Variants in STAG1 observed in about 807,000 individuals in gnomAD.
STAG1 encodes STAG1 cohesin complex component, also known as cohesin subunit SA-1.
Under a neutral mutation model 170.9 loss-of-function variants are expected in STAG1, and 26 were observed. The ratio of observed to expected loss-of-function variants is 0.15; its 90% CI spans 0.11 to 0.21. STAG1 has a LOEUF of 0.21. Among genes scored for constraint, STAG1 ranks in the 10% least tolerant of loss-of-function variants. The pLI is 1.00. For synonymous variants in STAG1, 514 were observed against 497.7 expected (o/e 1.03, Z -0.44); for missense variants, 964 against 1,509.5 (o/e 0.64, Z 5.99).
At chr3:136,589,121 C>T (rs1369449786) in intron 4 of STAG1, among the ~76,000 whole-genome samples, 1 of 152,132 alleles carries the variant, frequency 6.6e-6, no homozygotes, top group Non-Finnish European at 1.5e-5. Context: ...GAACTCTTAA[C>T]CTCAGGTGAT....
chr3:136,588,370 C>A (rs562885288), intron 4 of STAG1, among the ~76,000 whole-genome samples: 3 of 152,136 alleles, frequency 2.0e-5, no homozygotes, highest in African/African-American at 7.2e-5. Flanking sequence ...GAGTTTCGCT[C>A]TTGATGCTCA....
At chr3:136,648,000 C>T (rs61790798) in intron 1 of STAG1, among the ~76,000 whole-genome samples, 6 of 152,136 alleles carry the variant, frequency 3.9e-5, no homozygotes, top group Non-Finnish European at 7.3e-5. Flanking sequence ...ACAGTATTTA[C>T]AGATGAAGAC....
chr3:136,750,410 C>T (rs1449231921), intron 1 of STAG1, among the ~76,000 whole-genome samples: 2 of 152,018 alleles, frequency 1.3e-5, no homozygotes, highest in African/African-American at 4.8e-5. Context: ...CCAGGACCCA[C>T]TCCTTCTCCC....
chr3:136,353,085 A>G (rs759388777), intron 28 of STAG1, among the ~76,000 whole-genome samples: 1 of 152,230 alleles, frequency 6.6e-6, no homozygotes, highest in Non-Finnish European at 1.5e-5. Flanking sequence ...AAAATTTACT[A>G]TAGTGGCTTG....
chr3:136,571,168 T>C (rs963235938), intron 4 of STAG1, among the ~76,000 whole-genome samples: 15 of 152,120 alleles, frequency 9.9e-5, no homozygotes, highest in Admixed American at 9.8e-4. Context: ...GCAGTCTGAG[T>C]AGAATTTTAA....
rs1935688344 is a variant in STAG1, at chr3:136,336,617, T to TA, written c.*1636_*1637insT. On this transcript the variant is annotated 3_prime_UTR_variant, in exon 34 of 34. Coordinates refer to ENST00000383202, the MANE Select transcript of STAG1 (RefSeq NM_005862.3). ...CTTCACTTCCAGTGAAGCCCACAAT[T>TA]CTGGGAGAAAGTGAGGCCCCAGCTC... is the stretch of plus-strand genomic sequence containing the variant. 1 of 152,040 alleles carries TA rather than the reference T, an allele frequency of 6.6e-6. No homozygotes were observed. The highest frequency in any genetic ancestry group is 2.4e-5 in the African/African-American group (1 of 41,424). 9.4% of individuals were successfully genotyped at this position (152,040 alleles called of 1,614,324 possible).
intron 4 of STAG1, among the ~76,000 whole-genome samples, chr3:136,579,736 C>G (rs912949102): frequency 6.6e-6 from 1 of 152,118 alleles, no homozygotes; most frequent in Non-Finnish European, 1.5e-5. Context: ...AGGGGCAACT[C>G]CTACATTCTA....
At chr3:136,401,312 C>T (rs535463098) in intron 21 of STAG1, among the ~76,000 whole-genome samples, 8 of 152,252 alleles carry the variant, frequency 5.3e-5, no homozygotes, top group South Asian at 4.1e-4. Flanking sequence ...TTCTCTTTTA[C>T]GTTGTAATCC....
At position 136,522,441 on chromosome 3, in the gene STAG1, A is replaced by G. The variant is rs555800585; in HGVS notation, c.472-1024T>C. Reference sequence around the variant, plus strand: ...AGTGTAGATTGGAGAAGTTACATAGACTAGAAAGAAAAGATGCTTCCTAAA... The same window carrying G: ...AGTGTAGATTGGAGAAGTTACATAGGCTAGAAAGAAAAGATGCTTCCTAAA... On this transcript the variant is annotated intron_variant, in intron 6 of 33. Coordinates refer to ENST00000383202, the MANE Select transcript of STAG1 (RefSeq NM_005862.3). Among the ~76,000 whole-genome samples, 3 of 151,716 alleles carry G rather than the reference A, an allele frequency of 2.0e-5. No homozygotes were observed. In the East Asian group the frequency reaches 5.8e-4, roughly 30 times the overall value.
In STAG1 at chr3:136,748,055, G is replaced by A. The variant is rs369220612; in HGVS notation, c.-84+4140C>T. Among the ~76,000 whole-genome samples, 51 of 150,922 alleles carry A rather than the reference G, an allele frequency of 3.4e-4. No homozygotes were observed. The East Asian group carries it at 0.01, about 30-fold the overall frequency. On this transcript the variant is annotated intron_variant, in intron 1 of 33. Transcript: ENST00000383202. The stretch of plus-strand genomic sequence containing the variant: ...CTCCCAAAGTGCTGGGATTACAGGC[G>A]TGAGCCACCGCGCCTGGCCAAGAAT...
At chr3:136,407,666 T>C (rs538949438) in intron 21 of STAG1, among the ~76,000 whole-genome samples, 20 of 152,184 alleles carry the variant, frequency 1.3e-4, no homozygotes, top group African/African-American at 4.6e-4. Flanking sequence ...TTCATCATGT[T>C]GGACAAGCTG....
At chr3:136,635,554 A>C (rs1940517784) in intron 1 of STAG1, among the ~76,000 whole-genome samples, 1 of 152,188 alleles carries the variant, frequency 6.6e-6, no homozygotes, top group African/African-American at 2.4e-5. Context: ...TTAAACCAGG[A>C]AAAAAGCTAG....
intron 1 of STAG1, among the ~76,000 whole-genome samples, chr3:136,702,675 C>T (rs1943117774): frequency 6.6e-6 from 1 of 152,198 alleles, no homozygotes; most frequent in Admixed American, 6.5e-5. Context: ...AGTGAGCCAC[C>T]ATGCCCTGCC....
chr3:136,554,185 G>T (rs1315390235), intron 5 of STAG1, among the ~76,000 whole-genome samples: 1 of 152,158 alleles, frequency 6.6e-6, no homozygotes, highest in Non-Finnish European at 1.5e-5. Context: ...AAAGCTGGAT[G>T]TCTGTATACA....
At chr3:136,611,898 A>G (rs1402976234) in intron 3 of STAG1, among the ~76,000 whole-genome samples, 5 of 151,710 alleles carry the variant, frequency 3.3e-5, no homozygotes, top group African/African-American at 7.3e-5. Context: ...CCCAGGCTGA[A>G]GTGCAGTGGC....
chr3:136,345,103 A>T (rs546794288), intron 29 of STAG1, among the ~76,000 whole-genome samples: 50 of 151,466 alleles, frequency 3.3e-4, no homozygotes, highest in Non-Finnish European at 6.6e-4. Flanking sequence ...ATATATATAT[A>T]TTTTTTGAGA....
intron 1 of STAG1, among the ~76,000 whole-genome samples, chr3:136,650,015 C>T (rs1244324050): frequency 6.6e-6 from 1 of 151,782 alleles, no homozygotes; most frequent in Admixed American, 6.6e-5. Flanking sequence ...GATCCACCCA[C>T]CTAGGCCTCC....
At chr3:136,457,661 C>G (rs1185484677) in intron 13 of STAG1, among the ~76,000 whole-genome samples, 5 of 152,056 alleles carry the variant, frequency 3.3e-5, no homozygotes. Context: ...CACCCCAACA[C>G]TAATGTGTGA....
chr3:136,685,112 C>T (rs1347151943), intron 1 of STAG1, among the ~76,000 whole-genome samples: 2 of 152,018 alleles, frequency 1.3e-5, no homozygotes, highest in Admixed American at 6.6e-5. Context: ...GTGAGGAGTT[C>T]GAGAACAGCC....
Sources: allele counts gnomAD v4.1 joint callset (sites outside exome capture counted in the v4.1 genomes callset), GRCh38; gene constraint gnomAD v4.1.1; transcripts MANE v1.5; gene names NCBI Gene and HGNC (gene_info 2026-07-23, HGNC 2026-07-21).